The following MLH3 variants were observed in gnomAD, a reference collection of about 807,000 sequenced individuals.
MLH3 encodes the protein mutL homolog 3.
In MLH3, 82 loss-of-function variants were observed where a neutral mutation model predicts 122.2. That is an observed-to-expected ratio of 0.67 (90% CI 0.56 to 0.81). The LOEUF (loss-of-function observed/expected upper bound fraction) is 0.81, where lower values mean the gene tolerates loss of function less well. Among genes scored for constraint, MLH3 ranks in the 30% least tolerant of loss-of-function variants. The pLI, the probability that MLH3 is intolerant of heterozygous loss-of-function variation, is 0.00. For missense variants in MLH3, 1,539 were observed against 1,714.5 expected, an observed-to-expected ratio of 0.90 and a Z score of 1.81; for synonymous variants, 524 against 599.5, an observed-to-expected ratio of 0.87 and a Z score of 1.84.
In MLH3 at chr14:75,047,519, T is replaced by C; in HGVS notation, c.2137A>G (p.Thr713Ala). ...CTATACCAGGGGAAAGAGGGGGATG[T>C]ATCAGATAATATGCAATCTGTTTGT... ...KSQTDCILSD[T>A]SPSFPWYRHV... is the part of the protein sequence containing the mutation. The change falls in exon 2 of 13, where the codon ACA (threonine) becomes GCA (alanine). Residue 713 changes from threonine (T) to alanine (A), a missense_variant. Coordinates refer to ENST00000355774, the MANE Select transcript of MLH3 (RefSeq NM_001040108.2). 6.2e-7 allele frequency: 1 copy of C among 1,614,046 alleles called. No individual in the cohort carries two copies. The highest frequency in any genetic ancestry group is 8.5e-7 in the Non-Finnish European group (1 of 1,179,966).
intron 6 of MLH3, among the ~76,000 whole-genome samples, chr14:75,036,384 C>T (rs11629079): frequency 1.3e-5 from 2 of 151,422 alleles, no homozygotes; most frequent in African/African-American, 4.9e-5. Context: ...TTCGCTCTGT[C>T]ACCCAGGCTG....
At chr14:75,037,144 C>T (rs528248088) in intron 6 of MLH3, among the ~76,000 whole-genome samples, 3 of 152,318 alleles carry the variant, frequency 2.0e-5, no homozygotes, top group Middle Eastern at 3.4e-3. Flanking sequence ...CTACCTACTT[C>T]TCTAGCCTCA....
At position 75,049,670 on chromosome 14, in the gene MLH3, T is replaced by C; in HGVS notation, c.-15A>G. Reference sequence around the variant, plus strand: ...CACTTGATCATGGTAGGTAGAAAGATGGTGAGAATGCCAGGCACTGGTTTC... The same window carrying C: ...CACTTGATCATGGTAGGTAGAAAGACGGTGAGAATGCCAGGCACTGGTTTC... On this transcript the variant is annotated 5_prime_UTR_variant, in exon 2 of 13. Transcript: ENST00000355774. The C allele has an allele frequency of 1.9e-6, 3 of 1,611,766 alleles. No homozygotes were observed. Among genetic ancestry groups the C allele is most frequent in the East Asian group, 2.2e-5 (1 of 44,876 alleles).
intron 9 of MLH3, 130 bp from the exon 10 acceptor site, chr14:75,023,148 A>C: frequency 1.0e-6 from 1 of 998,544 alleles, no homozygotes; most frequent in Non-Finnish European, 1.6e-6. Flanking sequence ...GCAATACAGC[A>C]CTTGGGTACA....
chr14:75,035,062 CAAA>C (rs36096670), intron 6 of MLH3, among the ~76,000 whole-genome samples: 5 of 40,246 alleles, frequency 1.2e-4, no homozygotes, highest in Admixed American at 4.2e-4. Flanking sequence ...GACTCCATCT[CAAA>C]AAAAAAAAAA....
intron 8 of MLH3, among the ~76,000 whole-genome samples, chr14:75,031,519 G>T (rs1222628696): frequency 6.6e-6 from 1 of 152,202 alleles, no homozygotes; most frequent in Admixed American, 6.5e-5. Flanking sequence ...CTGGGATACA[G>T]TGGAAAGAAT....
rs1305037146 is a variant in MLH3 at position 75,047,322 on chromosome 14, G to C, written c.2334C>G (p.Val778=). 6.2e-7 allele frequency: 1 copy of C among 1,613,934 alleles called. No individual in the cohort carries two copies. The highest frequency in any genetic ancestry group is 1.7e-5 in the Admixed American group (1 of 59,994). Reference sequence around the variant, plus strand: ...CAACTTGAAGACTGAGATTGGTAGTGACTCCATTACTTTCCTCTACTTCTG... The same window carrying C: ...CAACTTGAAGACTGAGATTGGTAGTCACTCCATTACTTTCCTCTACTTCTG... ...LDTEVEESNG[V]TTNLSLQVEP... is the part of the protein sequence containing the mutation. The change falls in exon 2 of 13, where the codon GTC becomes GTG. Residue 778 remains valine, a synonymous_variant. Transcript: ENST00000355774.
rs1185834804 is a variant in MLH3, at chr14:75,016,291, A to G, written c.*791T>C. Reference sequence around the variant, plus strand: ...ATGTATGCTGTGTTTTGATATGACAATTGCTTTCACATAAAGAGATACTTT... The same window carrying G: ...ATGTATGCTGTGTTTTGATATGACAGTTGCTTTCACATAAAGAGATACTTT... On this transcript the variant is annotated 3_prime_UTR_variant, in exon 13 of 13. Coordinates refer to ENST00000355774, the MANE Select transcript of MLH3 (RefSeq NM_001040108.2). 5.0e-6 allele frequency: 1 copy of G among 199,928 alleles called. No individual in the cohort carries two copies. Among genetic ancestry groups the G allele is most frequent in the East Asian group, 7.7e-5 (1 of 12,928 alleles). 12.4% of individuals were successfully genotyped at this position (199,928 alleles called of 1,614,324 possible).
chr14:75,019,700 T>A (rs766928882), intron 11 of MLH3, among the ~76,000 whole-genome samples: 1 of 152,210 alleles, frequency 6.6e-6, no homozygotes, highest in African/African-American at 2.4e-5. Context: ...CTTACAATGT[T>A]CATTTTATTT....
At chr14:75,023,413 GAATA>G (rs1456663736) in intron 9 of MLH3, among the ~76,000 whole-genome samples, 1 of 152,184 alleles carries the variant, frequency 6.6e-6, no homozygotes, top group Non-Finnish European at 1.5e-5. Flanking sequence ...CACAAACTGA[GAATA>G]AATACACAAC....
rs748220900 is a variant in MLH3, at chr14:75,032,030, T to G, written c.3827+38A>C. 5 of 1,190,962 alleles carry G rather than the reference T, an allele frequency of 4.2e-6. No individual in the cohort carries two copies. The Admixed American group carries it at 6.7e-5, about 16-fold the overall frequency. 73.8% of individuals were successfully genotyped at this position (1,190,962 alleles called of 1,614,324 possible). ...TTCCTCACAGAATTATTGTGAGAAT[T>G]GATACCATCAACATCACATTCTCAT... On this transcript the variant is annotated intron_variant, in intron 8 of 12. Transcript: ENST00000355774.
At chr14:75,018,466 T>C (rs1890046696) in intron 12 of MLH3, among the ~76,000 whole-genome samples, 2 of 152,232 alleles carry the variant, frequency 1.3e-5, no homozygotes, top group East Asian at 3.8e-4. Flanking sequence ...GTTGAGGCTC[T>C]ATATTGCCAA....
At chr14:75,050,187 TGA>T (rs1892568489) in intron 1 of MLH3, among the ~76,000 whole-genome samples, 1 of 152,166 alleles carries the variant, frequency 6.6e-6, no homozygotes, top group Admixed American at 6.5e-5. Context: ...TGTAATAAGG[TGA>T]AGCAATAGGA....
At chr14:75,044,553 T>C (rs187715698) in intron 2 of MLH3, among the ~76,000 whole-genome samples, 222 of 152,266 alleles carry the variant, frequency 1.5e-3, no homozygotes, top group African/African-American at 5.2e-3. Context: ...TAAAACCACA[T>C]AGATTGAAAA....
intron 6 of MLH3, 93 bp downstream of exon 6, chr14:75,038,247 C>T: frequency 1.1e-6 from 1 of 899,334 alleles, no homozygotes; most frequent in Non-Finnish European, 1.8e-6. Context: ...CCATCCAAAT[C>T]ATTGAAACTA....
chr14:75,040,349 C>A (rs181716965), intron 4 of MLH3, among the ~76,000 whole-genome samples: 1 of 143,784 alleles, frequency 7.0e-6, no homozygotes, highest in Non-Finnish European at 1.5e-5. Flanking sequence ...ACTTGGGAGA[C>A]TGAGGCAGGA....
chr14:75,045,600 C>A (rs1192497228), intron 2 of MLH3, among the ~76,000 whole-genome samples: 2 of 152,084 alleles, frequency 1.3e-5, no homozygotes, highest in African/African-American at 2.4e-5. Context: ...AACCTGGAAG[C>A]CACGCAGAGA....
At chr14:75,017,885 C>A (rs1889997786) in intron 12 of MLH3, among the ~76,000 whole-genome samples, 1 of 152,192 alleles carries the variant, frequency 6.6e-6, no homozygotes, top group South Asian at 2.1e-4. Flanking sequence ...GTGGCTCATG[C>A]CTATAATCCC....
In MLH3 at chr14:75,047,282, G is replaced by A. The variant is rs759107831; in HGVS notation, c.2374C>T (p.Leu792=). ...LSLQVEPDIL[L]KDKNRLENSD... is the part of the protein sequence containing the mutation. ...TTCTCTAAGCGGTTCTTGTCCTTCA[G>A]CAGAATGTCAGGTTCAACTTGAAGA... Residue 792 remains leucine (L), a synonymous_variant, in exon 2 of 13, where the codon CTG becomes TTG. Coordinates refer to ENST00000355774, the MANE Select transcript of MLH3 (RefSeq NM_001040108.2). The A allele has an allele frequency of 6.2e-7, 1 of 1,614,068 alleles. No homozygotes were observed. Among genetic ancestry groups the A allele is most frequent in the South Asian group, 1.1e-5 (1 of 91,074 alleles).
Sources: allele counts gnomAD v4.1 joint callset (sites outside exome capture counted in the v4.1 genomes callset), GRCh38; gene constraint gnomAD v4.1.1; transcripts MANE v1.5; gene names NCBI Gene and HGNC (gene_info 2026-07-23, HGNC 2026-07-21).